The following GRIP1 variants were observed in gnomAD, a reference collection of about 807,000 sequenced individuals.
GRIP1 encodes the protein glutamate receptor interacting protein 1, also known as glutamate receptor-interacting protein 1.
GRIP1 carries 45 observed loss-of-function variants against 129.9 expected under a neutral mutation model. The ratio of observed to expected loss-of-function variants is 0.35; its 90% CI spans 0.27 to 0.44. GRIP1 has a LOEUF of 0.44. Among genes scored for constraint, GRIP1 ranks in the 20% least tolerant of loss-of-function variants. The probability of loss-of-function intolerance (pLI) is 1.00; values close to 1 mark genes in which losing one functional copy is unlikely to be tolerated. For synonymous variants in GRIP1, 530 were observed against 520.8 expected (o/e 1.02, Z -0.24); for missense variants, 1,196 against 1,396.8 (o/e 0.86, Z 2.29).
At chr12:66,671,048 C>T (rs1469682784) in intron 1 of GRIP1, among the ~76,000 whole-genome samples, 1 of 152,028 alleles carries the variant, frequency 6.6e-6, no homozygotes, top group African/African-American at 2.4e-5. Flanking sequence ...TGTTAAAATG[C>T]CAAAGAACAG....
intron 1 of GRIP1, among the ~76,000 whole-genome samples, chr12:66,964,354 A>ATG (rs1491492111): frequency 2.0e-5 from 3 of 152,086 alleles, no homozygotes; most frequent in African/African-American, 7.2e-5. Flanking sequence ...GTATAAACAC[A>ATG]TGTGTGTGTA....
At chr12:66,479,033 A>AAT (rs2059716198) in intron 7 of GRIP1, among the ~76,000 whole-genome samples, 1 of 151,680 alleles carries the variant, frequency 6.6e-6, no homozygotes, top group Admixed American at 6.6e-5. Flanking sequence ...TATAATAAAA[A>AAT]ATATATATTA....
intron 1 of GRIP1, among the ~76,000 whole-genome samples, chr12:66,856,533 A>C (rs2040008005): frequency 6.6e-6 from 1 of 152,108 alleles, no homozygotes; most frequent in Non-Finnish European, 1.5e-5. Flanking sequence ...CAAGAAAAAA[A>C]CAAACAACCC....
chr12:66,431,583 C>A (rs2058149554), intron 14 of GRIP1, among the ~76,000 whole-genome samples: 1 of 152,316 alleles, frequency 6.6e-6, no homozygotes, highest in Non-Finnish European at 1.5e-5. Context: ...GAACCACTGA[C>A]AGAAATGCTA....
At chr12:66,747,015 G>C (rs1592803220) in intron 1 of GRIP1, among the ~76,000 whole-genome samples, 1 of 152,100 alleles carries the variant, frequency 6.6e-6, no homozygotes, top group Admixed American at 6.6e-5. Context: ...GGTGATGAGA[G>C]GTTGAGCTGA....
At chr12:66,617,868 C>T (rs1223034631) in intron 1 of GRIP1, among the ~76,000 whole-genome samples, 3 of 145,566 alleles carry the variant, frequency 2.1e-5, no homozygotes, top group African/African-American at 7.6e-5. Flanking sequence ...AGTTGATCAA[C>T]ATACATGCTT....
chr12:66,755,618 T>C (rs1330021834), intron 1 of GRIP1, among the ~76,000 whole-genome samples: 1 of 151,942 alleles, frequency 6.6e-6, no homozygotes, highest in African/African-American at 2.4e-5. Context: ...GCTCTGGGAG[T>C]GTTGAATGTT....
intron 19 of GRIP1, among the ~76,000 whole-genome samples, chr12:66,382,325 G>T (rs2056148862): frequency 6.6e-6 from 1 of 152,176 alleles, no homozygotes; most frequent in Admixed American, 6.5e-5. Context: ...TTCGAGACCA[G>T]TCTGAGCAAC....
At position 66,371,862 on chromosome 12, in the gene GRIP1, C is replaced by A. The variant is rs753250239; in HGVS notation, c.2844G>T (p.Leu948=). ...NHEAPTPRSQ[L]GRQASFQERS... is the part of the protein sequence containing the mutation. The stretch of plus-strand genomic sequence containing the variant: ...GCTCCTGGAAGCTGGCCTGTCGCCC[C>A]AGCTGACTGCGAGGTGTTGGAGCCT... Residue 948 remains leucine, a synonymous_variant, in exon 23 of 25, where the codon CTG becomes CTT. Coordinates refer to ENST00000359742, the MANE Select transcript of GRIP1 (RefSeq NM_001366722.1). 8.7e-6 allele frequency: 14 copies of A among 1,613,642 alleles called. No homozygotes were observed. Among genetic ancestry groups the A allele is most frequent in the Non-Finnish European group, 1.1e-5 (13 of 1,180,022 alleles).
At chr12:66,476,826 A>C (rs2059630088) in intron 7 of GRIP1, among the ~76,000 whole-genome samples, 1 of 152,230 alleles carries the variant, frequency 6.6e-6, no homozygotes, top group African/African-American at 2.4e-5. Flanking sequence ...AATATTCAAC[A>C]GCCCTTCATG....
At chr12:67,056,912 G>A (rs1433354891) in intron 1 of GRIP1, among the ~76,000 whole-genome samples, 1 of 152,110 alleles carries the variant, frequency 6.6e-6, no homozygotes, top group African/African-American at 2.4e-5. Flanking sequence ...CCGGGTTCAA[G>A]CGATTCTCCT....
chr12:66,388,258 A>T (rs2056437258), intron 19 of GRIP1, among the ~76,000 whole-genome samples: 1 of 151,750 alleles, frequency 6.6e-6, no homozygotes, highest in Non-Finnish European at 1.5e-5. Flanking sequence ...CTGAGAAAAT[A>T]AAAAATTAAA....
chr12:66,444,846 TTC>T, intron 12 of GRIP1, 117 bp from the exon 13 acceptor site: 1 of 1,028,560 alleles, frequency 9.7e-7, no homozygotes, highest in Non-Finnish European at 1.5e-6. Flanking sequence ...GTCTTGCTTA[TTC>T]AATGCTGTGG....
At chr12:66,723,550 T>C (rs2036162250) in intron 1 of GRIP1, among the ~76,000 whole-genome samples, 1 of 151,904 alleles carries the variant, frequency 6.6e-6, no homozygotes, top group African/African-American at 2.4e-5. Flanking sequence ...TGACCTCAGG[T>C]GATCCACCCA....
At chr12:66,484,049 C>T (rs1452560392) in intron 7 of GRIP1, among the ~76,000 whole-genome samples, 2 of 151,664 alleles carry the variant, frequency 1.3e-5, no homozygotes, top group Non-Finnish European at 2.9e-5. Flanking sequence ...TTAGTAGAGA[C>T]GGGGTTTCAC....
chr12:66,882,841 CGCAGACAAG>C (rs376442807), intron 1 of GRIP1, among the ~76,000 whole-genome samples: 65 of 152,236 alleles, frequency 4.3e-4, no homozygotes, highest in Admixed American at 3.5e-3. Context: ...ATCTCCTCCT[CGCAGACAAG>C]GCAGACAAGG....
At chr12:67,027,656 G>T (rs1266786387) in intron 1 of GRIP1, among the ~76,000 whole-genome samples, 1 of 152,162 alleles carries the variant, frequency 6.6e-6, no homozygotes, top group Non-Finnish European at 1.5e-5. Flanking sequence ...AAATAAGGAA[G>T]GAGTCAAAGT....
chr12:66,623,742 C>T (rs1056456138), intron 1 of GRIP1, among the ~76,000 whole-genome samples: 1 of 152,028 alleles, frequency 6.6e-6, no homozygotes, highest in African/African-American at 2.4e-5. Context: ...TGCAAGTGGA[C>T]CATATTTATT....
chr12:66,965,742 C>A (rs12809601), intron 1 of GRIP1, among the ~76,000 whole-genome samples: 31,709 of 151,842 alleles, frequency 0.21, 4,007 homozygotes, highest in East Asian at 0.29. Flanking sequence ...CATCTCCTCA[C>A]CTCCTAACAG....
Sources: gnomAD v4.1 joint callset for allele counts (sites outside exome capture counted in the v4.1 genomes callset) on GRCh38, gnomAD v4.1.1 for gene constraint, MANE v1.5 for transcripts, NCBI Gene and HGNC (gene_info 2026-07-23, HGNC 2026-07-21) for gene names.